Variants in MYO9A observed in about 807,000 individuals in gnomAD.
MYO9A encodes the protein unconventional myosin-IXa.
In MYO9A, 103 loss-of-function variants were observed where a neutral mutation model predicts 293.3. The ratio of observed to expected loss-of-function variants is 0.35; its 90% CI spans 0.30 to 0.41. The LOEUF (loss-of-function observed/expected upper bound fraction) is 0.41, where lower values mean the gene tolerates loss of function less well. Among genes scored for constraint, MYO9A ranks in the 10% least tolerant of loss-of-function variants. MYO9A has a pLI of 1.00. For synonymous variants in MYO9A, 1,001 were observed against 1,035.7 expected (o/e 0.97, Z 0.64); for missense variants, 2,685 against 3,033.0 (o/e 0.89, Z 2.69).
chr15:72,046,123 GTCTT>G lies in MYO9A; in HGVS notation c.437_440del (p.Lys146ThrfsTer11), dbSNP rs768216174. 1 of 1,614,118 alleles carries G rather than the reference GTCTT, an allele frequency of 6.2e-7. No individual in the cohort carries two copies. ...CAGGTAAACTACATAAATCATCAAA[GTCTT>G]TCTGTTGAGGCTGTGGAAGAAAACC... On this transcript the variant is annotated frameshift_variant, in exon 2 of 42. Coordinates refer to ENST00000356056, the MANE Select transcript of MYO9A (RefSeq NM_006901.4). LOFTEE classifies it high-confidence loss of function.
At chr15:72,024,076 G>A (rs2077589726) in intron 4 of MYO9A, among the ~76,000 whole-genome samples, 1 of 152,026 alleles carries the variant, frequency 6.6e-6, no homozygotes, top group East Asian at 1.9e-4. Flanking sequence ...ATATATCCAG[G>A]AAAAATAAAG....
rs1310451298 is a variant in MYO9A, at chr15:71,935,478, T to C, written c.2385A>G (p.Thr795=). The C allele has an allele frequency of 1.2e-5, 19 of 1,613,042 alleles. No homozygotes were observed. Among genetic ancestry groups the C allele is most frequent in the East Asian group, 4.5e-5 (2 of 44,850 alleles). The change falls in exon 17 of 42, where the codon ACA becomes ACG. Residue 795 remains threonine, a synonymous_variant. Coordinates refer to ENST00000356056, the MANE Select transcript of MYO9A (RefSeq NM_006901.4). Reference sequence around the variant, plus strand: ...TTCTGCCATTCCAGGCAATATCAAATGTATCACTGTAAAAAATATAATTTG... The same window carrying C: ...TTCTGCCATTCCAGGCAATATCAAACGTATCACTGTAAAAAATATAATTTG... ...NALNEKNQHD[T]FDIAWNGRTG...
intron 32 of MYO9A, among the ~76,000 whole-genome samples, chr15:71,873,693 TTGTG>T (rs1165667017): frequency 6.6e-6 from 1 of 152,226 alleles, no homozygotes; most frequent in Non-Finnish European, 1.5e-5. Flanking sequence ...AAACATTTAT[TTGTG>T]TATTTCTAGA....
intron 18 of MYO9A, among the ~76,000 whole-genome samples, chr15:71,922,387 T>C (rs763302559): frequency 2.6e-5 from 4 of 152,244 alleles, no homozygotes; most frequent in African/African-American, 4.8e-5. Context: ...TGTGATATTA[T>C]GACACATGTA....
chr15:71,920,629 T>C (rs770677146), intron 18 of MYO9A, among the ~76,000 whole-genome samples: 3 of 152,072 alleles, frequency 2.0e-5, no homozygotes, highest in Non-Finnish European at 4.4e-5. Context: ...CTCATGTTAT[T>C]AAAAAGGACT....
chr15:71,951,655 C>T (rs778512977), intron 15 of MYO9A, 122 bp downstream of exon 15: 1 of 1,092,116 alleles, frequency 9.2e-7, no homozygotes, highest in South Asian at 1.5e-5. Context: ...TCAAAGACTG[C>T]TCAGAGGTTT....
chr15:72,018,647 A>G (rs1219772257), intron 6 of MYO9A, among the ~76,000 whole-genome samples: 1 of 152,176 alleles, frequency 6.6e-6, no homozygotes, highest in Non-Finnish European at 1.5e-5. Flanking sequence ...GAAATAAACA[A>G]TAATTACTAC....
Position 71,990,503 on chromosome 15 carries a change from C to T in MYO9A, c.1722+600G>A, listed in dbSNP as rs187846367. ...GGGCGCAGTGGCTCACATCTATAAT[C>T]CCAGCACTTTGGGAGGCTGAGGCGG... On this transcript the variant is annotated intron_variant, in intron 11 of 41. Coordinates refer to ENST00000356056, the MANE Select transcript of MYO9A (RefSeq NM_006901.4). Among the ~76,000 whole-genome samples, 260 of 152,242 alleles carry T rather than the reference C, an allele frequency of 1.7e-3. 2 individuals carry two copies. The highest frequency in any genetic ancestry group is 5.1e-3 in the Admixed American group (78 of 15,306).
In MYO9A at chr15:71,824,553, C is replaced by T. The variant is rs1320949771; in HGVS notation, c.*2027G>A. The T allele has an allele frequency of 6.6e-6, 1 of 152,224 alleles. No homozygotes were observed. The highest frequency in any genetic ancestry group is 1.5e-5 in the Non-Finnish European group (1 of 68,062). 9.4% of individuals were successfully genotyped at this position (152,224 alleles called of 1,614,324 possible). A position where few individuals can be genotyped will look rare whatever the true frequency, so the allele number is the denominator to read the frequency against. ...CTGAAACACAGACTGTGCAACCTGG[C>T]ACGGGGCTGAGGAACCAGCAATCCC... On this transcript the variant is annotated 3_prime_UTR_variant, in exon 42 of 42. Transcript: ENST00000356056.
chr15:72,105,373 A>G (rs1050625852), intron 1 of MYO9A, among the ~76,000 whole-genome samples: 2 of 151,926 alleles, frequency 1.3e-5, no homozygotes, highest in African/African-American at 4.8e-5. Context: ...ACAGGCACAC[A>G]CCACAATGCT....
At chr15:71,875,007 C>G (rs898114263) in intron 32 of MYO9A, among the ~76,000 whole-genome samples, 12 of 152,078 alleles carry the variant, frequency 7.9e-5, no homozygotes, top group Non-Finnish European at 1.8e-4. Flanking sequence ...TTTATCATAC[C>G]TGACAGTAAT....
intron 13 of MYO9A, among the ~76,000 whole-genome samples, chr15:71,967,740 A>G (rs1480964793): frequency 6.6e-6 from 1 of 152,232 alleles, no homozygotes; most frequent in Non-Finnish European, 1.5e-5. Context: ...TTTCAGATCT[A>G]AAGTTTATCA....
intron 40 of MYO9A, 86 bp from the exon 41 acceptor site, chr15:71,828,112 G>A: frequency 6.9e-7 from 1 of 1,455,944 alleles, no homozygotes; most frequent in Admixed American, 2.2e-5. Flanking sequence ...TGGAAGTCAG[G>A]AATCTAAGAA....
At chr15:71,874,439 A>G (rs181222723) in intron 32 of MYO9A, among the ~76,000 whole-genome samples, 1 of 152,298 alleles carries the variant, frequency 6.6e-6, no homozygotes, top group East Asian at 1.9e-4. Flanking sequence ...GGGGGAGAGT[A>G]GGAGGAAATG....
chr15:72,002,302 C>A (rs2076890509), intron 8 of MYO9A, among the ~76,000 whole-genome samples: 1 of 150,536 alleles, frequency 6.6e-6, no homozygotes, highest in South Asian at 2.1e-4. Flanking sequence ...GGCTGGAGTG[C>A]AATGGCGCAA....
intron 1 of MYO9A, among the ~76,000 whole-genome samples, chr15:72,050,778 T>G (rs1306247594): frequency 6.6e-6 from 1 of 152,174 alleles, no homozygotes; most frequent in Admixed American, 6.5e-5. Flanking sequence ...GGGAACTCAC[T>G]TTCTACTCCC....
chr15:71,849,712 G>A lies in MYO9A; in HGVS notation c.6713+324C>T, dbSNP rs1403124046. On this transcript the variant is annotated intron_variant, in intron 38 of 41. Coordinates refer to ENST00000356056, the MANE Select transcript of MYO9A (RefSeq NM_006901.4). ...AAGTATTAAGACCAAAGGATTCAGA[G>A]CCATTAAGACCACAGTTAGACTAGA... is the stretch of plus-strand genomic sequence containing the variant. 1.2e-4 allele frequency among the ~76,000 whole-genome samples: 5 copies of A among 42,538 alleles called. No homozygotes were observed. In the East Asian group the frequency reaches 1.6e-3, roughly 13 times the overall value. The allele number at this position is 42,538 out of a possible 152,430, so 27.9% of individuals were successfully genotyped here. A position where few individuals can be genotyped will look rare whatever the true frequency, so the allele number is the denominator to read the frequency against.
intron 1 of MYO9A, among the ~76,000 whole-genome samples, chr15:72,112,441 A>T (rs1401091927): frequency 2.0e-5 from 3 of 152,324 alleles, no homozygotes; most frequent in Admixed American, 1.3e-4. Flanking sequence ...AAGCATATTT[A>T]CCACTCATAA....
At chr15:71,944,073 T>G (rs2058849336) in intron 15 of MYO9A, among the ~76,000 whole-genome samples, 1 of 152,116 alleles carries the variant, frequency 6.6e-6, no homozygotes, top group African/African-American at 2.4e-5. Context: ...ATTAGTGACC[T>G]TAGTCAGATT....
Sources: allele counts gnomAD v4.1 joint callset (sites outside exome capture counted in the v4.1 genomes callset), GRCh38; gene constraint gnomAD v4.1.1; transcripts MANE v1.5; gene names NCBI Gene and HGNC (gene_info 2026-07-23, HGNC 2026-07-21).